ABI2: variants seen among roughly 807,000 people sequenced by gnomAD.
ABI2 encodes the protein abl interactor 2, also known as abelson interactor 2.
A neutral mutation model predicts 59.2 loss-of-function variants in ABI2; 25 were observed. The observed-to-expected ratio is 0.42, with a 90% CI of 0.31 to 0.59. The LOEUF (loss-of-function observed/expected upper bound fraction) is 0.59. Ranked by LOEUF, ABI2 falls within the 20% of genes least tolerant of loss-of-function variation. The pLI is 0.14. For missense variants in ABI2, 545 were observed against 681.8 expected (o/e 0.80, Z 2.23); for synonymous variants, 213 against 235.5 (o/e 0.90, Z 0.87).
chr2:203,367,003 C>G lies in ABI2; in HGVS notation c.244C>G (p.Gln82Glu), dbSNP rs2094508383. Residue 82 changes from glutamine to glutamate, a missense_variant, in exon 2 of 12, where the codon CAG becomes GAG. Physicochemically the swap from Gln to Glu is conservative, Grantham distance 29 (BLOSUM62 2). Transcript: ENST00000261018. ...VLQMLDIQAS[Q>E]LRRMESSINH... is the part of the protein sequence containing the mutation. Reference sequence around the variant, plus strand: ...GCAGATGCTGGATATCCAGGCATCCCAGCTACGAAGGATGGAATCTTCAAT... The same window carrying G: ...GCAGATGCTGGATATCCAGGCATCCGAGCTACGAAGGATGGAATCTTCAAT... 7 of 1,613,660 alleles carry G rather than the reference C, an allele frequency of 4.3e-6. No individual in the cohort carries two copies. Among genetic ancestry groups the G allele is most frequent in the African/African-American group, 1.3e-5 (1 of 74,898 alleles).
Position 203,374,783 on chromosome 2 carries a change from T to A in ABI2, c.286-5425T>A, listed in dbSNP as rs1259719444. 3 of 445,348 alleles carry A rather than the reference T, an allele frequency of 6.7e-6. No individual in the cohort carries two copies. In the Admixed American group the frequency reaches 7.1e-5, roughly 11 times the overall value. 27.6% of individuals were successfully genotyped at this position (445,348 alleles called of 1,614,324 possible). ...TGAGACATATTTAAAAACACCCAAT[T>A]TAGTTGGGTTAATCCACTGTAACTG... On this transcript the variant is annotated intron_variant, in intron 2 of 11. Transcript: ENST00000261018.
In ABI2 at chr2:203,380,258, GACT is replaced by G. The variant is rs1244569531; in HGVS notation, c.339_341del (p.Thr114del). The G allele has an allele frequency of 6.3e-7, 1 of 1,597,194 alleles. No individual in the cohort carries two copies. The highest frequency in any genetic ancestry group is 8.5e-7 in the Non-Finnish European group (1 of 1,174,034). On this transcript the variant is annotated inframe_deletion, in exon 3 of 12. Transcript: ENST00000261018. ...TTGCAAGAAGAGAAATTGGTATTTT[GACT>G]ACCAATAAAAACACTTCAAGGACAC...
intron 4 of ABI2, 101 bp from the exon 5 acceptor site, chr2:203,390,945 T>C (rs1381829374): frequency 1.1e-6 from 1 of 891,000 alleles, no homozygotes; most frequent in Non-Finnish European, 1.8e-6. Flanking sequence ...TCCCTTTATT[T>C]AAACCTTCCC....
chr2:203,362,883 G>A (rs1437232495), intron 1 of ABI2, among the ~76,000 whole-genome samples: 1 of 151,752 alleles, frequency 6.6e-6, no homozygotes, highest in Non-Finnish European at 1.5e-5. Context: ...CCAGACTGGA[G>A]TGCAGTGACC....
chr2:203,428,274 T>A lies in ABI2; in HGVS notation c.*922T>A, dbSNP rs1355350814. The A allele has an allele frequency of 6.6e-6, 1 of 152,622 alleles. No individual in the cohort carries two copies. The highest frequency in any genetic ancestry group is 1.5e-5 in the Non-Finnish European group (1 of 68,024). 9.5% of individuals were successfully genotyped at this position (152,622 alleles called of 1,614,324 possible). A position where few individuals can be genotyped will look rare whatever the true frequency, so the allele number is the denominator to read the frequency against. ...GTAGGATCTTGGAGTTCAGACCAAC[T>A]ATGACTATCATTTCCTTCACTATCT... is the stretch of plus-strand genomic sequence containing the variant. On this transcript the variant is annotated 3_prime_UTR_variant, in exon 12 of 12. Transcript: ENST00000261018.
At position 203,431,544 on chromosome 2, in the gene ABI2, G is replaced by A. The variant is rs1327154222; in HGVS notation, c.*4192G>A. On this transcript the variant is annotated 3_prime_UTR_variant, in exon 12 of 12. Coordinates refer to ENST00000261018, the MANE Select transcript of ABI2 (RefSeq NM_001375670.1). ...CCCATAAGGTGTGTGCAGTAAAAAT[G>A]TTATATTACTCCAACACTGGCAGGA... The A allele has an allele frequency of 6.6e-6, 1 of 152,362 alleles. No homozygotes were observed. The highest frequency in any genetic ancestry group is 1.5e-5 in the Non-Finnish European group (1 of 68,026). The allele number at this position is 152,362 out of a possible 1,614,324, so 9.4% of individuals were successfully genotyped here.
rs548365652 is a variant in ABI2 at position 203,368,879 on chromosome 2, C to G, written c.285+1835C>G. On this transcript the variant is annotated intron_variant, in intron 2 of 11. Coordinates refer to ENST00000261018, the MANE Select transcript of ABI2 (RefSeq NM_001375670.1). Reference sequence around the variant, plus strand: ...TTTCCCAGGCTGGAGTATAGTTGTACAATCATGGCTCACTGCAACCTCGAA... The same window carrying G: ...TTTCCCAGGCTGGAGTATAGTTGTAGAATCATGGCTCACTGCAACCTCGAA... Among the ~76,000 whole-genome samples, 3 of 149,282 alleles carry G rather than the reference C, an allele frequency of 2.0e-5. No individual in the cohort carries two copies. The East Asian group carries it at 6.0e-4, about 30-fold the overall frequency.
At chr2:203,380,997 T>A (rs563791246) in intron 3 of ABI2, among the ~76,000 whole-genome samples, 1 of 152,184 alleles carries the variant, frequency 6.6e-6, no homozygotes, top group Non-Finnish European at 1.5e-5. Context: ...ATTCAGAGCT[T>A]TAGCTGAGTA....
intron 2 of ABI2, among the ~76,000 whole-genome samples, chr2:203,375,638 C>G (rs181999017): frequency 2.6e-4 from 39 of 152,220 alleles, no homozygotes; most frequent in Non-Finnish European, 2.9e-4. Context: ...AGGAGCTTTC[C>G]TAAATTTCTT....
At chr2:203,394,541 A>G (rs942284642) in intron 5 of ABI2, 159 bp from the exon 6 acceptor site, 1 of 644,732 alleles carries the variant, frequency 1.6e-6, no homozygotes, top group African/African-American at 1.8e-5. Context: ...AATGGTGGAG[A>G]AGTGATACAT....
At chr2:203,388,768 G>A (rs1578645583) in intron 4 of ABI2, among the ~76,000 whole-genome samples, 1 of 152,008 alleles carries the variant, frequency 6.6e-6, no homozygotes, top group East Asian at 1.9e-4. Context: ...TGGGGGGCGG[G>A]TAGGTCCAAA....
At chr2:203,403,023 AT>A (rs1377560550) in intron 9 of ABI2, among the ~76,000 whole-genome samples, 1 of 152,204 alleles carries the variant, frequency 6.6e-6, no homozygotes, top group Non-Finnish European at 1.5e-5. Context: ...GGTGAATGGT[AT>A]TTCCTTTTTA....
At position 203,416,964 on chromosome 2, in the gene ABI2, C is replaced by T. The variant is rs760464824; in HGVS notation, c.1336C>T (p.Pro446Ser). 5 of 1,613,976 alleles carry T rather than the reference C, an allele frequency of 3.1e-6. No homozygotes were observed. Among genetic ancestry groups the T allele is most frequent in the African/African-American group, 2.7e-5 (2 of 74,912 alleles). The part of the protein sequence containing the change: ...PVEEPVFDES[P>S]PPPPPPEDYE... ...GGAAGAACCAGTCTTTGATGAGTCT[C>T]CCCCACCTCCTCCTCCTCCAGAAGA... is the stretch of plus-strand genomic sequence containing the variant. Residue 446 changes from proline to serine, a missense_variant, in exon 11 of 12, where the codon CCC (proline) becomes TCC (serine). Transcript: ENST00000261018.
intron 1 of ABI2, among the ~76,000 whole-genome samples, chr2:203,331,808 C>CT (rs55695294): frequency 1.5e-3 from 189 of 121,964 alleles, no homozygotes; most frequent in East Asian, 0.011. Context: ...GCTCAGTGTT[C>CT]TTTTTTTTTT....
intron 10 of ABI2, 41 bp from the exon 11 acceptor site, chr2:203,416,867 G>T (rs2097914095): frequency 6.5e-7 from 1 of 1,547,764 alleles, no homozygotes. Context: ...ACTGAACTTT[G>T]CATAACATAT....
intron 5 of ABI2, chr2:203,394,434 A>G (rs548131479): frequency 1.8e-5 from 7 of 393,500 alleles, no homozygotes; most frequent in African/African-American, 1.4e-4. Flanking sequence ...TAAATGGTAG[A>G]GAACCTTTGT....
At chr2:203,369,774 G>T (rs531352919) in intron 2 of ABI2, among the ~76,000 whole-genome samples, 12 of 152,262 alleles carry the variant, frequency 7.9e-5, no homozygotes, top group African/African-American at 2.4e-4. Context: ...CTCAGTGGCT[G>T]TTAAGTTTAT....
At chr2:203,344,282 CCCAACAATG>C (rs1479422186) in intron 1 of ABI2, among the ~76,000 whole-genome samples, 4 of 151,984 alleles carry the variant, frequency 2.6e-5, no homozygotes, top group Non-Finnish European at 5.9e-5. Flanking sequence ...ATAATAAAAC[CCCAACAATG>C]CCAGTAATTG....
At chr2:203,421,367 G>A (rs965921372) in intron 11 of ABI2, among the ~76,000 whole-genome samples, 5 of 152,142 alleles carry the variant, frequency 3.3e-5, no homozygotes, top group African/African-American at 9.7e-5. Flanking sequence ...ATCAAATAAC[G>A]TATCTTCAAA....
Sources: allele counts gnomAD v4.1 joint callset (sites outside exome capture counted in the v4.1 genomes callset), GRCh38; gene constraint gnomAD v4.1.1; transcripts MANE v1.5; gene names NCBI Gene and HGNC (gene_info 2026-07-23, HGNC 2026-07-21).